The following NAV2 variants were observed in gnomAD, a reference collection of about 807,000 sequenced individuals.
NAV2 encodes neuron navigator 2.
NAV2 carries 54 observed loss-of-function variants against 223.2 expected under a neutral mutation model. That is an observed-to-expected ratio of 0.24 (90% CI 0.19 to 0.30). The LOEUF is 0.30. Among genes scored for constraint, NAV2 ranks in the 10% least tolerant of loss-of-function variants. The pLI is 1.00. For synonymous variants in NAV2, 1,279 were observed against 1,239.3 expected (o/e 1.03, Z -0.67); for missense variants, 2,806 against 3,147.5 (o/e 0.89, Z 2.60).
chr11:19,447,762 TG>T (rs1851639131), intron 1 of NAV2, among the ~76,000 whole-genome samples: 1 of 152,186 alleles, frequency 6.6e-6, no homozygotes. Flanking sequence ...AGAACTGGGT[TG>T]ACTTGTAAGA....
chr11:19,520,235 C>G (rs1441455198), intron 1 of NAV2, among the ~76,000 whole-genome samples: 2 of 152,250 alleles, frequency 1.3e-5, no homozygotes, highest in African/African-American at 4.8e-5. Flanking sequence ...AACAAACACT[C>G]ATGGGCATTT....
Position 19,372,525 on chromosome 11 carries a change from A to T in NAV2, c.75+21498A>T, listed in dbSNP as rs535391869. Among the ~76,000 whole-genome samples, 42 of 152,314 alleles carry T rather than the reference A, an allele frequency of 2.8e-4. No individual in the cohort carries two copies. In the South Asian group the frequency reaches 8.3e-3, roughly 30 times the overall value. On this transcript the variant is annotated intron_variant, in intron 1 of 37. Coordinates refer to the NAV2 transcript ENST00000360655. ...CTTTTCTAACTGGCGCAGAGGAGCA[A>T]CAGAGCTGGGCTGGTAGTCCTCCCT...
Position 19,886,344 on chromosome 11 carries a change from C to T in NAV2, c.771-6090C>T, listed in dbSNP as rs150847861. Among the ~76,000 whole-genome samples the T allele has an allele frequency of 1.4e-3, 216 of 152,146 alleles. 1 individual carries two copies. Among genetic ancestry groups the T allele is most frequent in the Middle Eastern group, 0.01 (3 of 294 alleles). On this transcript the variant is annotated intron_variant, in intron 5 of 37. Coordinates refer to ENST00000349880, the MANE Select transcript of NAV2 (RefSeq NM_145117.5). ...CCCAGGTCAGGCTCTGCCTGGCTGG[C>T]GAGGGGAGAAACCGTATGGCAGTGT... is the stretch of plus-strand genomic sequence containing the variant.
intron 1 of NAV2, among the ~76,000 whole-genome samples, chr11:19,406,110 C>T (rs924315824): frequency 6.6e-6 from 1 of 152,168 alleles, no homozygotes; most frequent in Admixed American, 6.5e-5. Flanking sequence ...GTATTGTCTA[C>T]TTCTGTGGTC....
intron 1 of NAV2, among the ~76,000 whole-genome samples, chr11:19,600,286 A>G (rs891467076): frequency 6.6e-6 from 1 of 152,190 alleles, no homozygotes; most frequent in Admixed American, 6.5e-5. Flanking sequence ...TGTTTGATGC[A>G]CAAGAATCTC....
At chr11:19,493,253 T>C (rs2042689290) in intron 1 of NAV2, among the ~76,000 whole-genome samples, 1 of 151,730 alleles carries the variant, frequency 6.6e-6, no homozygotes, top group African/African-American at 2.4e-5. Flanking sequence ...GAATTAAAGG[T>C]ATCTGCACCA....
intron 1 of NAV2, chr11:19,380,674 T>TC (rs1411900237): frequency 6.6e-6 from 1 of 152,204 alleles, no homozygotes; most frequent in Non-Finnish European, 1.5e-5. Flanking sequence ...GATGGTGGAA[T>TC]CAGTGGAGTA....
chr11:19,357,427 T>C (rs1009272025), intron 1 of NAV2, among the ~76,000 whole-genome samples: 1 of 152,216 alleles, frequency 6.6e-6, no homozygotes, highest in Non-Finnish European at 1.5e-5. Context: ...TTATGAAAAT[T>C]AGGATGCTAA....
At chr11:19,681,910 G>T (rs1248329729) in intron 1 of NAV2, among the ~76,000 whole-genome samples, 2 of 152,144 alleles carry the variant, frequency 1.3e-5, no homozygotes, top group Non-Finnish European at 2.9e-5. Flanking sequence ...TAGAAATTAG[G>T]ACACCTCCAC....
chr11:19,488,935 A>T (rs1403169811), intron 1 of NAV2, among the ~76,000 whole-genome samples: 1 of 152,212 alleles, frequency 6.6e-6, no homozygotes, highest in Non-Finnish European at 1.5e-5. Flanking sequence ...TCTTTGGGGT[A>T]AAGCAGACAG....
chr11:19,951,749 C>G (rs1465212957), intron 10 of NAV2, among the ~76,000 whole-genome samples: 1 of 152,230 alleles, frequency 6.6e-6, no homozygotes, highest in Non-Finnish European at 1.5e-5. Flanking sequence ...CCATCCAAAC[C>G]AGAGCCTTTA....
chr11:19,615,782 T>G (rs1413091393), intron 1 of NAV2, among the ~76,000 whole-genome samples: 1 of 152,180 alleles, frequency 6.6e-6, no homozygotes, highest in Non-Finnish European at 1.5e-5. Flanking sequence ...TGTGATGTGC[T>G]AGCACCCTGC....
intron 10 of NAV2, among the ~76,000 whole-genome samples, chr11:19,955,565 T>C (rs1212921503): frequency 1.3e-5 from 2 of 152,220 alleles, no homozygotes; most frequent in African/African-American, 4.8e-5. Flanking sequence ...CCCTGTGAGC[T>C]TGACATTGTC....
In NAV2 at chr11:19,761,004, AT is replaced by A. The variant is rs539620804; in HGVS notation, c.267+47044del. Among the ~76,000 whole-genome samples, 679 of 152,278 alleles carry A rather than the reference AT, an allele frequency of 4.5e-3. 4 individuals are homozygous for A. The highest frequency in any genetic ancestry group is 0.016 in the African/African-American group (647 of 41,546). On this transcript the variant is annotated intron_variant, in intron 1 of 37. Transcript: ENST00000349880. Reference sequence around the variant, plus strand: ...GGGGAATAAAGAAAAGGAATACCCCATTGGGAGTGCTGTTCTTTGAAAACTG... The same window carrying A: ...GGGGAATAAAGAAAAGGAATACCCCATGGGAGTGCTGTTCTTTGAAAACTG...
At chr11:19,346,565 C>T (rs1039938569), upstream of NAV2, among the ~76,000 whole-genome samples, 3 of 152,206 alleles carry the variant, frequency 2.0e-5, no homozygotes, top group African/African-American at 7.2e-5. Flanking sequence ...GGTGGCAGCC[C>T]GCGTCGCCCA....
chr11:19,813,966 A>C (rs552809260), intron 1 of NAV2, among the ~76,000 whole-genome samples: 2 of 152,332 alleles, frequency 1.3e-5, no homozygotes, highest in East Asian at 3.9e-4. Context: ...TGCAGAGCAG[A>C]GACCACGAGC....
At chr11:19,453,688 T>C (rs1266063398) in intron 1 of NAV2, among the ~76,000 whole-genome samples, 1 of 152,180 alleles carries the variant, frequency 6.6e-6, no homozygotes, top group Non-Finnish European at 1.5e-5. Context: ...CATGTCTCTC[T>C]GCACAATCCT....
intron 1 of NAV2, among the ~76,000 whole-genome samples, chr11:19,698,492 C>A (rs1380796886): frequency 2.0e-5 from 3 of 152,190 alleles, no homozygotes; most frequent in African/African-American, 7.2e-5. Flanking sequence ...CCCAAGGTCA[C>A]CCGGACTGTG....
chr11:19,444,862 T>C (rs995664014), intron 1 of NAV2, among the ~76,000 whole-genome samples: 2 of 152,202 alleles, frequency 1.3e-5, no homozygotes, highest in Non-Finnish European at 2.9e-5. Context: ...TCCAACTCCA[T>C]CACTTAGCCC....
Sources: gnomAD v4.1 joint callset for allele counts (sites outside exome capture counted in the v4.1 genomes callset) on GRCh38, gnomAD v4.1.1 for gene constraint, MANE v1.5 for transcripts, NCBI Gene and HGNC (gene_info 2026-07-23, HGNC 2026-07-21) for gene names.